PUF60: variants seen among roughly 807,000 people sequenced by gnomAD.
PUF60 encodes poly(U)-binding-splicing factor PUF60.
PUF60 carries 10 observed loss-of-function variants against 61.8 expected under a neutral mutation model. The observed-to-expected ratio is 0.16, with a 90% CI of 0.10 to 0.27. The LOEUF (loss-of-function observed/expected upper bound fraction) is 0.27. PUF60 is among the 10% of genes least tolerant of loss of function. The pLI, the probability that PUF60 is intolerant of heterozygous loss-of-function variation, is 1.00. For missense variants in PUF60, 371 were observed against 754.0 expected, an observed-to-expected ratio of 0.49 and a Z score of 5.95; for synonymous variants, 353 against 300.9, an observed-to-expected ratio of 1.17 and a Z score of -1.79.
chr8:143,824,267 C>G lies in PUF60; in HGVS notation c.111+46G>C, dbSNP rs1045378367. 28 of 1,465,594 alleles carry G rather than the reference C, an allele frequency of 1.9e-5. No homozygotes were observed. In the Admixed American group the frequency reaches 3.5e-4, roughly 18 times the overall value. 90.8% of individuals were successfully genotyped at this position (1,465,594 alleles called of 1,614,324 possible). On this transcript the variant is annotated intron_variant, in intron 2 of 11. Coordinates refer to ENST00000526683, the MANE Select transcript of PUF60 (RefSeq NM_078480.3). ...ACGCACAGGCAGGCGGGCGGGCGGG[C>G]GGGCAGGCGGGCGGGCCTGAGGGAG... is the stretch of plus-strand genomic sequence containing the variant.
At chr8:143,824,763 G>A in intron 1 of PUF60, 1 of 314,270 alleles carries the variant, frequency 3.2e-6, no homozygotes, top group South Asian at 3.7e-5. Flanking sequence ...CCCTCCTGAG[G>A]CAGCAGCGGT....
At chr8:143,821,063 G>T (rs577012514) in intron 4 of PUF60, among the ~76,000 whole-genome samples, 1 of 152,338 alleles carries the variant, frequency 6.6e-6, no homozygotes, top group East Asian at 1.9e-4. Flanking sequence ...CCAGGAACCT[G>T]TCGGCCTCAC....
chr8:143,828,351 G>A (rs556833152), intron 1 of PUF60, among the ~76,000 whole-genome samples: 57 of 152,358 alleles, frequency 3.7e-4, no homozygotes, highest in African/African-American at 1.2e-3. Context: ...TGGGGGAAGG[G>A]TGACAAGTAA....
intron 2 of PUF60, chr8:143,822,869 G>A (rs1367964643): frequency 1.2e-5 from 4 of 320,462 alleles, no homozygotes; most frequent in African/African-American, 2.2e-5. Flanking sequence ...CCCACCAACC[G>A]GGCCCTCCGA....
In PUF60 at chr8:143,821,767, C is replaced by T. The variant is rs1038461202; in HGVS notation, c.207+51G>A. 14 of 1,568,364 alleles carry T rather than the reference C, an allele frequency of 8.9e-6. No homozygotes were observed. The African/African-American group carries it at 1.5e-4, about 17-fold the overall frequency. On this transcript the variant is annotated intron_variant, in intron 3 of 11. Coordinates refer to ENST00000526683, the MANE Select transcript of PUF60 (RefSeq NM_078480.3). ...GCCCCGCACCCCGCCCCTGCCCCTG[C>T]CCCCAGTTGACTGTCCCACACCTGC...
At chr8:143,820,848 T>G in intron 4 of PUF60, 132 bp from the exon 5 acceptor site, 1 of 854,672 alleles carries the variant, frequency 1.2e-6, no homozygotes, top group Non-Finnish European at 1.9e-6. Flanking sequence ...CTTCCCACAC[T>G]GCCGGCCGCC....
chr8:143,817,788 G>A lies in PUF60; in HGVS notation c.818-6C>T. On this transcript the variant is annotated splice_polypyrimidine_tract_variant and splice_region_variant and intron_variant, in intron 8 of 11. Transcript: ENST00000526683. This position sits in a 1 kb window ranked among gnomAD's most constrained non-coding sequence, Gnocchi z 7.4. ...CGACTGGGCCTTCTCGTACTCTGTG[G>A]GCAGGAGCAGCAGTGAGCAGGGCCA... 1 of 1,609,318 alleles carries A rather than the reference G, an allele frequency of 6.2e-7. No homozygotes were observed. The highest frequency in any genetic ancestry group is 8.5e-7 in the Non-Finnish European group (1 of 1,178,340).
chr8:143,821,887 G>C lies in PUF60; in HGVS notation c.138C>G (p.Asn46Lys). The C allele has an allele frequency of 6.2e-7, 1 of 1,607,110 alleles. No homozygotes were observed. The highest frequency in any genetic ancestry group is 8.5e-7 in the Non-Finnish European group (1 of 1,178,064). ...CCAGCTTGGCGGCTGTGCTCTGCCCGTTCTCCATCTTGATGGAGTCTGTGC... is the reference window on the plus strand; with the variant it reads ...CCAGCTTGGCGGCTGTGCTCTGCCCCTTCTCCATCTTGATGGAGTCTGTGC... ...PQGTDSIKME[N>K]GQSTAAKLGL... Residue 46 changes from asparagine (N) to lysine (K), a missense_variant, in exon 3 of 12, where the codon AAC becomes AAG. Coordinates refer to ENST00000526683, the MANE Select transcript of PUF60 (RefSeq NM_078480.3).
At chr8:143,826,392 G>A (rs372275717) in intron 1 of PUF60, among the ~76,000 whole-genome samples, 2 of 152,160 alleles carry the variant, frequency 1.3e-5, no homozygotes, top group African/African-American at 2.4e-5. Context: ...ACAGCAAGAC[G>A]CTGTCTCTAT....
Position 143,816,515 on chromosome 8 carries a change from C to G in PUF60, c.*5G>C, listed in dbSNP as rs1816302437. 2 of 1,601,436 alleles carry G rather than the reference C, an allele frequency of 1.2e-6. No homozygotes were observed. On this transcript the variant is annotated 3_prime_UTR_variant, in exon 12 of 12. Transcript: ENST00000526683. Reference sequence around the variant, plus strand: ...CAAGTGCAAGTCCGGGGAGAGGGACCACTGTCACGCAGAGAGGTCACTGTT... The same window carrying G: ...CAAGTGCAAGTCCGGGGAGAGGGACGACTGTCACGCAGAGAGGTCACTGTT...
At position 143,817,305 on chromosome 8, in the gene PUF60, A is replaced by C. The variant is rs370935027; in HGVS notation, c.1144+26T>G. ...GAGAGATGCCAGGACAGGAGAGGAGAGGATCTGGTACCACTTAAGACTCAC... is the reference window on the plus strand; with the variant it reads ...GAGAGATGCCAGGACAGGAGAGGAGCGGATCTGGTACCACTTAAGACTCAC... On this transcript the variant is annotated intron_variant, in intron 10 of 11. Transcript: ENST00000526683. This position sits in a 1 kb window ranked among gnomAD's most constrained non-coding sequence, Gnocchi z 7.4. The C allele has an allele frequency of 2.3e-4, 357 of 1,572,688 alleles. 1 individual carries two copies. The African/African-American group carries it at 3.7e-3, about 16-fold the overall frequency.
chr8:143,825,401 C>T (rs1299923049), intron 1 of PUF60, among the ~76,000 whole-genome samples: 1 of 152,224 alleles, frequency 6.6e-6, no homozygotes, highest in Non-Finnish European at 1.5e-5. Context: ...GCTCCCAATG[C>T]TGTCGGCATG....
intron 4 of PUF60, 136 bp from the exon 5 acceptor site, chr8:143,820,852 G>A (rs549408125): frequency 4.4e-5 from 37 of 841,668 alleles, no homozygotes; most frequent in Admixed American, 1.1e-4. Context: ...CCACACTGCC[G>A]GCCGCCAGCA....
At chr8:143,826,472 T>C (rs1817647146) in intron 1 of PUF60, among the ~76,000 whole-genome samples, 1 of 152,166 alleles carries the variant, frequency 6.6e-6, no homozygotes, top group Admixed American at 6.5e-5. Flanking sequence ...CCCAGCACTT[T>C]GGGAGGCCGA....
chr8:143,828,368 G>C (rs537116441), intron 1 of PUF60, among the ~76,000 whole-genome samples: 1 of 152,234 alleles, frequency 6.6e-6, no homozygotes, highest in Non-Finnish European at 1.5e-5. Context: ...GTAATACAGG[G>C]GTAAACTGCG....
In PUF60 at chr8:143,818,180, C is replaced by A. The variant is rs1421715742; in HGVS notation, c.603+13G>T. On this transcript the variant is annotated intron_variant, in intron 7 of 11. Transcript: ENST00000526683. The surrounding 1 kb of genome is among the most constrained non-coding windows in gnomAD (Gnocchi z 7.9). Reference sequence around the variant, plus strand: ...CACGCCTGCGGGATCGAGGCCTTGGCTCCCTGCCTCACCTTGATGTTCCTG... The same window carrying A: ...CACGCCTGCGGGATCGAGGCCTTGGATCCCTGCCTCACCTTGATGTTCCTG... The A allele has an allele frequency of 6.2e-7, 1 of 1,607,784 alleles. No homozygotes were observed. The highest frequency in any genetic ancestry group is 1.3e-5 in the African/African-American group (1 of 74,840).
chr8:143,821,332 AGGAAG>A, intron 4 of PUF60: 5 of 583,202 alleles, frequency 8.6e-6, no homozygotes, highest in Non-Finnish European at 1.5e-5. Flanking sequence ...TGTGAAGACC[AGGAAG>A]GGGAAAAGGG....
chr8:143,818,289 G>A lies in PUF60; in HGVS notation c.511-4C>T, dbSNP rs371785530. 56 of 1,607,504 alleles carry A rather than the reference G, an allele frequency of 3.5e-5. No individual in the cohort carries two copies. In the African/African-American group the frequency reaches 7.1e-4, roughly 20 times the overall value. On this transcript the variant is annotated splice_polypyrimidine_tract_variant and splice_region_variant and intron_variant, in intron 6 of 11. Coordinates refer to ENST00000526683, the MANE Select transcript of PUF60 (RefSeq NM_078480.3). This position sits in a 1 kb window ranked among gnomAD's most constrained non-coding sequence, Gnocchi z 7.9. ...CATACTCCACGAAGGCAAAGCCCTA[G>A]ACACAGGGACACACCTGTCAGGCTG...
intron 1 of PUF60, chr8:143,827,398 A>C (rs986017944): frequency 4.4e-6 from 2 of 456,160 alleles, no homozygotes; most frequent in Non-Finnish European, 4.4e-6. Flanking sequence ...TGCTGCAAAG[A>C]GGCAGCCGGC....
Sources: allele counts gnomAD v4.1 joint callset (sites outside exome capture counted in the v4.1 genomes callset), GRCh38; gene constraint gnomAD v4.1.1; non-coding constraint Gnocchi (gnomAD v3.1); transcripts MANE v1.5; gene names NCBI Gene and HGNC (gene_info 2026-07-23, HGNC 2026-07-21).